Variants in FMN2 observed in about 807,000 individuals in gnomAD.
FMN2 encodes formin-2.
A neutral mutation model predicts 142.3 loss-of-function variants in FMN2; 51 were observed. That is an observed-to-expected ratio of 0.36 (90% CI 0.29 to 0.45). FMN2 has a LOEUF of 0.45. Among genes scored for constraint, FMN2 ranks in the 20% least tolerant of loss-of-function variants. The pLI is 1.00. For missense variants in FMN2, 1,936 were observed against 2,122.8 expected, an observed-to-expected ratio of 0.91 and a Z score of 1.73; for synonymous variants, 882 against 869.8, an observed-to-expected ratio of 1.01 and a Z score of -0.25.
chr1:240,129,682 T>C (rs1662656540), intron 2 of FMN2, among the ~76,000 whole-genome samples: 9 of 152,006 alleles, frequency 5.9e-5, no homozygotes, highest in Admixed American at 5.9e-4. Context: ...TTTGTATTTT[T>C]AGTAGAGATG....
intron 7 of FMN2, among the ~76,000 whole-genome samples, chr1:240,287,322 T>C (rs1471522632): frequency 6.6e-6 from 1 of 152,192 alleles, no homozygotes; most frequent in Non-Finnish European, 1.5e-5. Flanking sequence ...CAAAGGTCTT[T>C]GCTTCTCAGC....
rs996066265 is a variant in FMN2 at position 240,194,220 on chromosome 1, G to C, written c.1986+5958G>C. ...TGGACTTGAGAAGACTCAGTCTAGG[G>C]TGCATTTCAGGAGTGGTAGAACATT... On this transcript the variant is annotated intron_variant, in intron 4 of 17. Transcript: ENST00000319653. 3.9e-5 allele frequency among the ~76,000 whole-genome samples: 6 copies of C among 152,044 alleles called. No individual in the cohort carries two copies. In the South Asian group the frequency reaches 6.2e-4, roughly 16 times the overall value.
intron 7 of FMN2, among the ~76,000 whole-genome samples, chr1:240,265,285 A>C (rs1668760665): frequency 6.6e-6 from 1 of 152,124 alleles, no homozygotes; most frequent in Non-Finnish European, 1.5e-5. Context: ...AATGAGGATA[A>C]AATTCTTTTA....
At chr1:240,229,298 G>C (rs950228203) in intron 6 of FMN2, among the ~76,000 whole-genome samples, 20 of 152,024 alleles carry the variant, frequency 1.3e-4, no homozygotes, top group African/African-American at 3.9e-4. Flanking sequence ...AAATTTGAAT[G>C]CACAAATTAA....
At chr1:240,220,661 CTGTGTT>C (rs1667070414) in intron 6 of FMN2, among the ~76,000 whole-genome samples, 1 of 118,896 alleles carries the variant, frequency 8.4e-6, no homozygotes, top group Non-Finnish European at 1.9e-5. Flanking sequence ...TGGCATGAGT[CTGTGTT>C]TGTGTGTGTG....
chr1:240,221,546 CCCACTTTTT>C (rs1469639941), intron 6 of FMN2, among the ~76,000 whole-genome samples: 2 of 152,054 alleles, frequency 1.3e-5, no homozygotes, highest in Non-Finnish European at 2.9e-5. Context: ...ATATCCTTTG[CCCACTTTTT>C]GATGGGATTG....
chr1:240,343,207 A>G lies in FMN2; in HGVS notation c.4765+8978A>G, dbSNP rs966295907. Among the ~76,000 whole-genome samples the G allele has an allele frequency of 7.2e-5, 11 of 152,332 alleles. No individual in the cohort carries two copies. In the South Asian group the frequency reaches 1.9e-3, roughly 26 times the overall value. On this transcript the variant is annotated intron_variant, in intron 13 of 17. Transcript: ENST00000319653. ...GGTTTGAAAAAGCCTCCCAGCCAGT[A>G]ATTCTGATATGTCTTTCAAAGTAGC...
At chr1:240,145,408 C>T in intron 2 of FMN2, 1 of 487,234 alleles carries the variant, frequency 2.1e-6, no homozygotes, top group Admixed American at 3.6e-5. Flanking sequence ...TTTTAATTTT[C>T]ATGGATACAT....
intron 6 of FMN2, among the ~76,000 whole-genome samples, chr1:240,249,902 ATTG>A (rs1239460755): frequency 1.3e-5 from 2 of 151,988 alleles, no homozygotes; most frequent in African/African-American, 4.8e-5. Context: ...CTAGTTCATT[ATTG>A]TTCTGTAGGA....
At chr1:240,267,543 T>C (rs537185146) in intron 7 of FMN2, among the ~76,000 whole-genome samples, 1 of 151,746 alleles carries the variant, frequency 6.6e-6, no homozygotes, top group South Asian at 2.1e-4. Flanking sequence ...GTACTAGGCT[T>C]AATACCTGGG....
intron 5 of FMN2, among the ~76,000 whole-genome samples, chr1:240,209,149 C>T (rs755316656): frequency 7.9e-5 from 12 of 151,870 alleles, no homozygotes; most frequent in Non-Finnish European, 1.8e-4. Context: ...ACATTTGTAG[C>T]GAAATTATTT....
At chr1:240,393,652 GA>G (rs1347962234) in intron 15 of FMN2, among the ~76,000 whole-genome samples, 8 of 152,198 alleles carry the variant, frequency 5.3e-5, no homozygotes, top group Admixed American at 4.6e-4. Flanking sequence ...CCAAAGCCAA[GA>G]TATGCCCAAA....
chr1:240,435,540 A>G (rs1438714235), intron 15 of FMN2, among the ~76,000 whole-genome samples: 1 of 152,000 alleles, frequency 6.6e-6, no homozygotes, highest in Admixed American at 6.6e-5. Flanking sequence ...ATGTAATATA[A>G]CATATGTAAT....
rs556818817 is a variant in FMN2, at chr1:240,249,940, T to C, written c.4066-8005T>C. ...AACTAGTGATTTTTGTATGTTGATTTTGTATACTGCAACTTTACTGAGTTC... is the reference window on the plus strand; with the variant it reads ...AACTAGTGATTTTTGTATGTTGATTCTGTATACTGCAACTTTACTGAGTTC... On this transcript the variant is annotated intron_variant, in intron 6 of 17. Coordinates refer to ENST00000319653, the MANE Select transcript of FMN2 (RefSeq NM_020066.5). Among the ~76,000 whole-genome samples, 33 of 152,260 alleles carry C rather than the reference T, an allele frequency of 2.2e-4. No homozygotes were observed. In the South Asian group the frequency reaches 6.2e-3, roughly 29 times the overall value.
At chr1:240,343,676 C>G (rs1671813580) in intron 13 of FMN2, among the ~76,000 whole-genome samples, 1 of 152,026 alleles carries the variant, frequency 6.6e-6, no homozygotes, top group African/African-American at 2.4e-5. Context: ...CAAATTTATG[C>G]AAGAAAATTT....
rs796811132 is a variant in FMN2, at chr1:240,114,718, C to T, written c.1616-8461C>T. Among the ~76,000 whole-genome samples the T allele has an allele frequency of 1.3e-4, 19 of 145,036 alleles. No homozygotes were observed. In the East Asian group the frequency reaches 2.4e-3, roughly 19 times the overall value. On this transcript the variant is annotated intron_variant, in intron 1 of 17. Transcript: ENST00000319653. ...CTGTCGCCAGACTGGAGTGCAATGG[C>T]GAGATTTCAGCTCACTGCAACCTCC...
chr1:240,127,931 G>A (rs1662580211), intron 2 of FMN2, among the ~76,000 whole-genome samples: 1 of 152,152 alleles, frequency 6.6e-6, no homozygotes, highest in South Asian at 2.1e-4. Flanking sequence ...AGTAGGTTGG[G>A]GTGGATTCTG....
At chr1:240,184,938 TCC>T (rs1665343909) in intron 3 of FMN2, among the ~76,000 whole-genome samples, 2 of 147,776 alleles carry the variant, frequency 1.4e-5, no homozygotes, top group Non-Finnish European at 3.0e-5. Context: ...ACTTTCTCCC[TCC>T]TATACCTTCC....
chr1:240,415,520 TTAAGTA>T (rs1558479525), intron 15 of FMN2, among the ~76,000 whole-genome samples: 1 of 91,016 alleles, frequency 1.1e-5, no homozygotes, highest in African/African-American at 3.9e-5. Context: ...CCCCAGAACT[TTAAGTA>T]TAATAAAAAA....
Sources: gnomAD v4.1 joint callset for allele counts (sites outside exome capture counted in the v4.1 genomes callset) on GRCh38, gnomAD v4.1.1 for gene constraint, MANE v1.5 for transcripts, NCBI Gene and HGNC (gene_info 2026-07-23, HGNC 2026-07-21) for gene names.